PTGS1: variants seen among roughly 807,000 people sequenced by gnomAD.
PTGS1 encodes prostaglandin G/H synthase 1.
A neutral mutation model predicts 63.0 loss-of-function variants in PTGS1; 40 were observed. That is an observed-to-expected ratio of 0.63 (90% confidence interval 0.49 to 0.83). The LOEUF is 0.83. Among genes scored for constraint, PTGS1 ranks in the 40% least tolerant of loss-of-function variants. PTGS1 has a pLI of 0.00. For missense variants in PTGS1, 709 were observed against 786.5 expected, an observed-to-expected ratio of 0.90 and a Z score of 1.18; for synonymous variants, 298 against 301.9, an observed-to-expected ratio of 0.99 and a Z score of 0.13.
chr9:122,389,813 T>C (rs1357701163), intron 9 of PTGS1, among the ~76,000 whole-genome samples: 1 of 151,910 alleles, frequency 6.6e-6, no homozygotes, highest in African/African-American at 2.4e-5. Context: ...AAAACAAAAT[T>C]AGCCAGGCAT....
chr9:122,376,324 A>G (rs935021391), intron 2 of PTGS1, among the ~76,000 whole-genome samples: 2 of 148,844 alleles, frequency 1.3e-5, no homozygotes, highest in South Asian at 2.1e-4. Context: ...AACTATTTGC[A>G]TGATTCTTGT....
chr9:122,389,342 G>A (rs1838063462), intron 9 of PTGS1, among the ~76,000 whole-genome samples: 1 of 151,924 alleles, frequency 6.6e-6, no homozygotes. Flanking sequence ...GTAGAGACGA[G>A]TCTTTGCCAT....
rs779702921 is a variant in PTGS1 at position 122,378,797 on chromosome 9, TC to T, written c.381del (p.Thr128ProfsTer17). 1 of 1,614,046 alleles carries T rather than the reference TC, an allele frequency of 6.2e-7. No individual in the cohort carries two copies. Among genetic ancestry groups the T allele is most frequent in the Non-Finnish European group, 8.5e-7 (1 of 1,180,004 alleles). On this transcript the variant is annotated frameshift_variant, in exon 5 of 11. Coordinates refer to ENST00000362012, the MANE Select transcript of PTGS1 (RefSeq NM_000962.4). LOFTEE classifies it high-confidence loss of function. ...CAGTGCGCTCCAACCTTATCCCCAG[TC>T]CCCCCACCTACAACTCAGCACATGA... ...LTVRSNLIPS[P>X]PTYNSAHDYI...
At position 122,381,582 on chromosome 9, in the gene PTGS1, T is replaced by G. The variant is rs769379156; in HGVS notation, c.678+30T>G. 7.4e-6 allele frequency: 12 copies of G among 1,613,706 alleles called. No homozygotes were observed. The African/African-American group carries it at 1.6e-4, about 22-fold the overall frequency. ...GTACCTAGGAGGGGCTCAGGACTGCTCTGGACCTAATTTGGCACGCGTATG... is the reference window on the plus strand; with the variant it reads ...GTACCTAGGAGGGGCTCAGGACTGCGCTGGACCTAATTTGGCACGCGTATG... On this transcript the variant is annotated intron_variant, in intron 6 of 10. Transcript: ENST00000362012.
intron 2 of PTGS1, among the ~76,000 whole-genome samples, chr9:122,373,191 C>A (rs540414810): frequency 6.6e-6 from 1 of 152,116 alleles, no homozygotes; most frequent in African/African-American, 2.4e-5. Flanking sequence ...AGGTTGGATG[C>A]GTAATGTGGG....
rs755686486 is a variant in PTGS1 at position 122,371,104 on chromosome 9, C to G, written c.7+13C>G. On this transcript the variant is annotated intron_variant, in intron 1 of 10. Transcript: ENST00000362012. The stretch of plus-strand genomic sequence containing the variant: ...CGCGCCATGAGCCGTGAGTGCGACC[C>G]CGGTGCCCGGTGGGGAATTTTCTTG... 6.2e-7 allele frequency: 1 copy of G among 1,603,272 alleles called. No homozygotes were observed. The highest frequency in any genetic ancestry group is 8.5e-7 in the Non-Finnish European group (1 of 1,179,632).
intron 2 of PTGS1, chr9:122,372,779 G>A (rs1158542478): frequency 6.6e-6 from 1 of 152,168 alleles, no homozygotes; most frequent in Non-Finnish European, 1.5e-5. Context: ...TTTGTTTTTT[G>A]CCTTTTCTGT....
upstream of PTGS1, chr9:122,370,880 AGCG>A: frequency 1.2e-6 from 1 of 815,560 alleles, no homozygotes; most frequent in Non-Finnish European, 1.9e-6. Context: ...AAGCCGCTTT[AGCG>A]GCGAGCATAC....
chr9:122,391,398 C>T (rs866339624), intron 10 of PTGS1, among the ~76,000 whole-genome samples: 2,206 of 93,102 alleles, frequency 0.024, 27 homozygotes, highest in Middle Eastern at 0.064. Flanking sequence ...TATATATATA[C>T]ATATATATAT....
At chr9:122,371,137 G>T (rs200631028) in intron 1 of PTGS1, 46 bp downstream of exon 1, 2 of 1,607,094 alleles carry the variant, frequency 1.2e-6, no homozygotes, top group Non-Finnish European at 1.7e-6. Context: ...TTGGCCTCCT[G>T]GTGGAGCCTT....
At chr9:122,377,157 C>T (rs1339217820) in intron 2 of PTGS1, among the ~76,000 whole-genome samples, 2 of 152,126 alleles carry the variant, frequency 1.3e-5, no homozygotes, top group Non-Finnish European at 2.9e-5. Flanking sequence ...GAGTCCCCCT[C>T]CTCCTGCACA....
chr9:122,371,479 T>C (rs894266089), intron 2 of PTGS1: 3 of 1,264,276 alleles, frequency 2.4e-6, no homozygotes, highest in Admixed American at 5.7e-5. Flanking sequence ...TCTAGTTCTT[T>C]CAGGGGAAAC....
Position 122,390,924 on chromosome 9 carries a change from G to C in PTGS1, c.1444+579G>C, listed in dbSNP as rs1366019045. On this transcript the variant is annotated intron_variant, in intron 10 of 10. Transcript: ENST00000362012. ...AAAAAAGAAAGTACAAAGGCATAGA[G>C]GTCAGACAGCAGGTATCTAGGGAAA... is the stretch of plus-strand genomic sequence containing the variant. Among the ~76,000 whole-genome samples the C allele has an allele frequency of 3.3e-5, 5 of 152,088 alleles. 1 individual carries two copies. The South Asian group carries it at 1.0e-3, about 32-fold the overall frequency.
chr9:122,378,449 G>T lies in PTGS1; in HGVS notation c.228G>T (p.Trp76Cys). Residue 76 changes from tryptophan to cysteine, a missense_variant, in exon 4 of 11, where the codon TGG (tryptophan) becomes TGT (cysteine). Coordinates refer to ENST00000362012, the MANE Select transcript of PTGS1 (RefSeq NM_000962.4). ...CCCCTGCAGCTGGCCTGTGGACCTG[G>T]CTCCGGAATTCACTGCGGCCCAGCC... ...PNCTIPGLWT[W>C]LRNSLRPSPS... 1 of 1,613,964 alleles carries T rather than the reference G, an allele frequency of 6.2e-7. No homozygotes were observed.
intron 7 of PTGS1, among the ~76,000 whole-genome samples, chr9:122,382,847 T>C (rs1215562301): frequency 6.6e-6 from 1 of 151,856 alleles, no homozygotes; most frequent in Non-Finnish European, 1.5e-5. Flanking sequence ...GCCACTAGAG[T>C]GTTTGGATGA....
At position 122,378,798 on chromosome 9, in the gene PTGS1, C is replaced by T; in HGVS notation, c.376C>T (p.Pro126Ser). Residue 126 changes from proline to serine, a missense_variant, in exon 5 of 11, where the codon CCC becomes TCC. By Grantham distance (74) the Pro-to-Ser change is moderately conservative. Coordinates refer to ENST00000362012, the MANE Select transcript of PTGS1 (RefSeq NM_000962.4). ...LTVRSNLIPS[P>S]PTYNSAHDYI... ...AGTGCGCTCCAACCTTATCCCCAGT[C>T]CCCCCACCTACAACTCAGCACATGA... 6.2e-7 allele frequency: 1 copy of T among 1,614,194 alleles called. No individual in the cohort carries two copies. Among genetic ancestry groups the T allele is most frequent in the Non-Finnish European group, 8.5e-7 (1 of 1,180,012 alleles).
chr9:122,388,145 G>A (rs1047175210), intron 9 of PTGS1, among the ~76,000 whole-genome samples: 2 of 152,196 alleles, frequency 1.3e-5, no homozygotes, highest in Non-Finnish European at 2.9e-5. Flanking sequence ...GAAAAGCCCC[G>A]GCGTCGTACC....
At chr9:122,387,392 G>A (rs963196234) in intron 9 of PTGS1, among the ~76,000 whole-genome samples, 3 of 152,126 alleles carry the variant, frequency 2.0e-5, no homozygotes, top group African/African-American at 4.8e-5. Context: ...ATAAGCCTCC[G>A]CTCTGGGCTG....
chr9:122,391,386 C>CATATATATATACAT (rs1838252809), intron 10 of PTGS1, among the ~76,000 whole-genome samples: 1 of 70,714 alleles, frequency 1.4e-5, no homozygotes, highest in African/African-American at 1.1e-4. Flanking sequence ...TATATATATA[C>CATATATATATACAT]ATATATATAT....
Sources: gnomAD v4.1 joint callset for allele counts (sites outside exome capture counted in the v4.1 genomes callset) on GRCh38, gnomAD v4.1.1 for gene constraint, MANE v1.5 for transcripts, NCBI Gene and HGNC (gene_info 2026-07-23, HGNC 2026-07-21) for gene names.